NKAIN3: variants seen among roughly 807,000 people sequenced by gnomAD.
NKAIN3 encodes sodium/potassium transporting ATPase interacting 3.
Under a neutral mutation model 30.2 loss-of-function variants are expected in NKAIN3, and 25 were observed. That is an observed-to-expected ratio of 0.83 (90% CI 0.60 to 1.16). The LOEUF is 1.16. NKAIN3 is among the 50% of genes most tolerant of loss of function. The pLI is 0.00. For synonymous variants in NKAIN3, 91 were observed against 89.6 expected (o/e 1.02, Z -0.09); for missense variants, 225 against 254.1 (o/e 0.89, Z 0.78).
intron 4 of NKAIN3, among the ~76,000 whole-genome samples, chr8:62,834,005 T>A (rs371829973): frequency 6.6e-6 from 1 of 152,144 alleles, no homozygotes; most frequent in East Asian, 1.9e-4. Context: ...ATTTCTGGGA[T>A]GCAAGGTTGG....
At chr8:62,268,932 T>G (rs1812691713) in intron 1 of NKAIN3, among the ~76,000 whole-genome samples, 2 of 152,194 alleles carry the variant, frequency 1.3e-5, no homozygotes, top group Non-Finnish European at 2.9e-5. Flanking sequence ...TAAACTCTCT[T>G]AACATTTCTA....
intron 4 of NKAIN3, among the ~76,000 whole-genome samples, chr8:62,844,216 T>G (rs538095289): frequency 6.6e-6 from 1 of 152,298 alleles, no homozygotes; most frequent in South Asian, 2.1e-4. Flanking sequence ...TTAACATATT[T>G]GCATTTTTGC....
At chr8:62,949,991 G>T (rs899832937) in intron 5 of NKAIN3, among the ~76,000 whole-genome samples, 3 of 152,024 alleles carry the variant, frequency 2.0e-5, no homozygotes, top group Non-Finnish European at 2.9e-5. Context: ...TTCACACCCT[G>T]ATTTCCACTG....
chr8:62,804,142 G>C (rs896695163), intron 4 of NKAIN3, among the ~76,000 whole-genome samples: 18 of 152,102 alleles, frequency 1.2e-4, no homozygotes, highest in Admixed American at 1.2e-3. Flanking sequence ...ACCAAAAAGA[G>C]TCCAGGACCA....
At chr8:62,682,793 A>T in intron 3 of NKAIN3, among the ~76,000 whole-genome samples, 1 of 151,996 alleles carries the variant, frequency 6.6e-6, no homozygotes, top group East Asian at 1.9e-4. Context: ...TTGACCTGGG[A>T]ACCACACCCC....
intron 3 of NKAIN3, among the ~76,000 whole-genome samples, chr8:62,605,264 C>T (rs1811089199): frequency 6.6e-6 from 1 of 151,934 alleles, no homozygotes; most frequent in Non-Finnish European, 1.5e-5. Flanking sequence ...AGGATGTCAA[C>T]CATGCATTAG....
At chr8:62,549,953 C>T (rs1226858589) in intron 1 of NKAIN3, among the ~76,000 whole-genome samples, 1 of 148,414 alleles carries the variant, frequency 6.7e-6, no homozygotes, top group African/African-American at 2.5e-5. Flanking sequence ...GATCACTGGA[C>T]ATGGGTAGCT....
intron 1 of NKAIN3, among the ~76,000 whole-genome samples, chr8:62,326,362 G>T (rs541180040): frequency 1.3e-5 from 2 of 151,732 alleles, no homozygotes; most frequent in African/African-American, 4.8e-5. Context: ...GTTACATTTT[G>T]CCTTACTGGA....
At chr8:62,323,758 A>C (rs1189596847) in intron 1 of NKAIN3, among the ~76,000 whole-genome samples, 4 of 152,204 alleles carry the variant, frequency 2.6e-5, no homozygotes, top group Non-Finnish European at 5.9e-5. Flanking sequence ...CAGACAATGA[A>C]ATATTATTGA....
chr8:62,760,339 C>T (rs147043543), intron 4 of NKAIN3, among the ~76,000 whole-genome samples: 1,554 of 152,228 alleles, frequency 0.01, 27 homozygotes, highest in African/African-American at 0.034. Context: ...ATGTTTATTG[C>T]AGCACTATTC....
At chr8:62,467,917 A>C (rs532987409) in intron 1 of NKAIN3, among the ~76,000 whole-genome samples, 1 of 152,136 alleles carries the variant, frequency 6.6e-6, no homozygotes, top group East Asian at 1.9e-4. Context: ...CTGCAATTGC[A>C]CACCACCATG....
At chr8:62,812,496 C>T (rs1406197456) in intron 4 of NKAIN3, among the ~76,000 whole-genome samples, 1 of 151,396 alleles carries the variant, frequency 6.6e-6, no homozygotes, top group Non-Finnish European at 1.5e-5. Context: ...TAATTTAGAA[C>T]TTTTCTTTCT....
intron 3 of NKAIN3, among the ~76,000 whole-genome samples, chr8:62,718,841 A>G (rs1267087339): frequency 6.6e-6 from 1 of 151,930 alleles, no homozygotes; most frequent in African/African-American, 2.4e-5. Flanking sequence ...TATATGTGGA[A>G]TTGATCATTT....
chr8:62,667,363 A>ATATATATATAAATATATATACG (rs1554561921), intron 3 of NKAIN3, among the ~76,000 whole-genome samples: 1 of 53,402 alleles, frequency 1.9e-5, no homozygotes, highest in African/African-American at 1.1e-4. Flanking sequence ...ATATATCTGT[A>ATATATATATAAATATATATACG]TATATATATA....
intron 4 of NKAIN3, among the ~76,000 whole-genome samples, chr8:62,760,527 C>A (rs935808365): frequency 8.7e-5 from 13 of 148,590 alleles, no homozygotes; most frequent in Non-Finnish European, 1.5e-4. Context: ...ATCGCAAGGA[C>A]AAAAAACCAA....
intron 3 of NKAIN3, among the ~76,000 whole-genome samples, chr8:62,675,819 C>A (rs2130400372): frequency 6.6e-6 from 1 of 152,272 alleles, no homozygotes; most frequent in East Asian, 1.9e-4. Context: ...CATAGATAGA[C>A]CACAGCCAGG....
At chr8:62,550,868 T>A (rs931763330) in intron 1 of NKAIN3, among the ~76,000 whole-genome samples, 1 of 152,204 alleles carries the variant, frequency 6.6e-6, no homozygotes, top group African/African-American at 2.4e-5. Context: ...AGTATATTTC[T>A]AAATCCCAAC....
At chr8:62,512,054 AGG>A (rs1411960085) in intron 1 of NKAIN3, among the ~76,000 whole-genome samples, 2 of 152,174 alleles carry the variant, frequency 1.3e-5, no homozygotes, top group African/African-American at 4.8e-5. Flanking sequence ...GGCATGTCAT[AGG>A]CACTTAATAA....
chr8:62,698,041 A>G (rs1814220900), intron 3 of NKAIN3, among the ~76,000 whole-genome samples: 1 of 152,178 alleles, frequency 6.6e-6, no homozygotes. Context: ...AATTATTGAA[A>G]GAGAAAACAT....
Sources: allele counts gnomAD v4.1 joint callset (sites outside exome capture counted in the v4.1 genomes callset), GRCh38; gene constraint gnomAD v4.1.1; transcripts MANE v1.5; gene names NCBI Gene and HGNC (gene_info 2026-07-23, HGNC 2026-07-21).